LANCL3: variants seen among roughly 807,000 people sequenced by gnomAD.
LANCL3 encodes LanC like family member 3.
LANCL3 carries 19 observed loss-of-function variants against 26.5 expected under a neutral mutation model. That is an observed-to-expected ratio of 0.72 (90% CI 0.50 to 1.05). The LOEUF (loss-of-function observed/expected upper bound fraction) is 1.05. LANCL3 is among the 50% of genes least tolerant of loss of function. The probability of loss-of-function intolerance (pLI) is 0.00; values close to 1 mark genes in which losing one functional copy is unlikely to be tolerated. For synonymous variants in LANCL3, 160 were observed against 166.6 expected (o/e 0.96, Z 0.30); for missense variants, 318 against 362.7 (o/e 0.88, Z 1.00).
At chrX:37,658,079 A>T (rs1185139028) in intron 2 of LANCL3, among the ~76,000 whole-genome samples, 1 of 111,905 alleles carries the variant, frequency 8.9e-6, no homozygotes, top group East Asian at 2.8e-4. Context: ...AGGCAGGTTC[A>T]GGCCTTTGCT....
intron 1 of LANCL3, among the ~76,000 whole-genome samples, chrX:37,630,281 G>C (rs1451017745): frequency 9.0e-6 from 1 of 111,529 alleles, no homozygotes; most frequent in East Asian, 2.8e-4. Flanking sequence ...GAATGCTTGT[G>C]GTATTTGTAC....
intron 1 of LANCL3, among the ~76,000 whole-genome samples, chrX:37,654,681 A>C (rs1000291601): frequency 3.6e-5 from 4 of 111,622 alleles, no homozygotes; most frequent in African/African-American, 1.3e-4. Context: ...GAGGGCTCTG[A>C]ATTTCATACC....
chrX:37,599,282 T>C (rs782602368), intron 1 of LANCL3, among the ~76,000 whole-genome samples: 3 of 112,397 alleles, frequency 2.7e-5, no homozygotes, highest in Non-Finnish European at 5.6e-5. Flanking sequence ...GACATTTAAA[T>C]AAAAACAAGA....
intron 4 of LANCL3, 113 bp downstream of exon 4, chrX:37,667,602 G>C: frequency 1.8e-6 from 1 of 545,205 alleles, no homozygotes; most frequent in Non-Finnish European, 2.7e-6. Context: ...TACATCAACT[G>C]TGCCTTGTAG....
At chrX:37,583,170 A>G (rs1260462520) in intron 1 of LANCL3, among the ~76,000 whole-genome samples, 2 of 111,294 alleles carry the variant, frequency 1.8e-5, no homozygotes, top group African/African-American at 3.3e-5. Flanking sequence ...TGTTCCATTG[A>G]TCGATATCTC....
At chrX:37,644,250 C>A (rs141627174) in intron 1 of LANCL3, among the ~76,000 whole-genome samples, 10 of 111,532 alleles carry the variant, frequency 9.0e-5, no homozygotes, top group African/African-American at 3.3e-4. Context: ...AAATGCAAGA[C>A]CTCAGGCCCC....
chrX:37,624,586 C>T (rs181165289), intron 1 of LANCL3, among the ~76,000 whole-genome samples: 6 of 111,799 alleles, frequency 5.4e-5, no homozygotes, highest in African/African-American at 1.6e-4. Context: ...GTAAAAATAA[C>T]ACAATTTAAA....
chrX:37,642,233 C>T (rs3117508), intron 1 of LANCL3, among the ~76,000 whole-genome samples: 26,035 of 111,210 alleles, frequency 0.23, 2,592 homozygotes, highest in African/African-American at 0.4. Flanking sequence ...CAGAGGTGCA[C>T]GTGGGCAAAA....
At chrX:37,617,611 G>T (rs1556421833) in intron 1 of LANCL3, among the ~76,000 whole-genome samples, 1 of 111,446 alleles carries the variant, frequency 9.0e-6, no homozygotes, top group African/African-American at 3.3e-5. Flanking sequence ...AGTATACCAG[G>T]GTCTGTTCAA....
At chrX:37,629,413 A>T (rs1556423705) in intron 1 of LANCL3, among the ~76,000 whole-genome samples, 3 of 109,487 alleles carry the variant, frequency 2.7e-5, no homozygotes, top group African/African-American at 1.0e-4. Context: ...GTTCACTCTG[A>T]TGGTAGTTTC....
rs1923582487 is a variant in LANCL3, at chrX:37,571,848, C to T, written c.-23C>T. On this transcript the variant is annotated 5_prime_UTR_variant, in exon 1 of 5. Transcript: ENST00000378619. ...CGACTTCAAGCGGTCCTCAGCTCCGCACTAGGGGGCACGGGCAACAGCATG... is the reference window on the plus strand; with the variant it reads ...CGACTTCAAGCGGTCCTCAGCTCCGTACTAGGGGGCACGGGCAACAGCATG... 1.7e-6 allele frequency: 2 copies of T among 1,177,893 alleles called. No homozygotes were observed. The highest frequency in any genetic ancestry group is 2.3e-6 in the Non-Finnish European group (2 of 874,750).
At chrX:37,592,614 TA>T (rs1170518196) in intron 1 of LANCL3, among the ~76,000 whole-genome samples, 26 of 110,133 alleles carry the variant, frequency 2.4e-4, no homozygotes, top group Admixed American at 2.9e-4. Context: ...CTCTTAGAAA[TA>T]AAAAAAAGAT....
chrX:37,642,104 G>A (rs887836851), intron 1 of LANCL3, among the ~76,000 whole-genome samples: 39 of 112,067 alleles, frequency 3.5e-4, no homozygotes, highest in African/African-American at 1.2e-3. Flanking sequence ...AGCACTTAAC[G>A]AGAAAAATCA....
At chrX:37,603,573 C>T (rs782596539) in intron 1 of LANCL3, among the ~76,000 whole-genome samples, 1 of 112,083 alleles carries the variant, frequency 8.9e-6, no homozygotes, top group African/African-American at 3.2e-5. Flanking sequence ...GAATGAAGAA[C>T]CCCACTGTGG....
intron 1 of LANCL3, among the ~76,000 whole-genome samples, chrX:37,580,314 G>A (rs782045325): frequency 2.7e-5 from 3 of 111,934 alleles, no homozygotes; most frequent in South Asian, 3.8e-4. Flanking sequence ...AAGGACTAAC[G>A]ATGACTGATC....
In LANCL3 at chrX:37,675,892, T is replaced by C. The variant is rs1351201467; in HGVS notation, c.*79T>C. 5.1e-5 allele frequency: 40 copies of C among 785,942 alleles called. No homozygotes were observed. The highest frequency in any genetic ancestry group is 6.1e-5 in the Non-Finnish European group (36 of 589,974). The allele number at this position is 785,942 out of a possible 1,213,427, so 64.8% of individuals were successfully genotyped here. A position where few individuals can be genotyped will look rare whatever the true frequency, so the allele number is the denominator to read the frequency against. On this transcript the variant is annotated 3_prime_UTR_variant, in exon 5 of 5. Transcript: ENST00000378619. The stretch of plus-strand genomic sequence containing the variant: ...CAGTTTCCACATAAGCCACATTCAA[T>C]GGTATCGCAACCATGAGCCTTAACA...
intron 1 of LANCL3, among the ~76,000 whole-genome samples, chrX:37,611,704 C>T (rs908913559): frequency 9.0e-6 from 1 of 111,682 alleles, no homozygotes; most frequent in Non-Finnish European, 1.9e-5. Context: ...AGCTTCAGAG[C>T]ATAGGCGTTG....
intron 1 of LANCL3, among the ~76,000 whole-genome samples, chrX:37,633,984 G>T (rs1185673950): frequency 8.9e-6 from 1 of 112,453 alleles, no homozygotes; most frequent in African/African-American, 3.2e-5. Context: ...GGACATTTAA[G>T]TCGGCAGAGG....
intron 1 of LANCL3, among the ~76,000 whole-genome samples, chrX:37,572,705 C>G (rs1412194329): frequency 1.8e-5 from 2 of 112,320 alleles, no homozygotes. Flanking sequence ...ACTCCAGATG[C>G]CTGTTAGCTT....
Sources: allele counts gnomAD v4.1 joint callset (sites outside exome capture counted in the v4.1 genomes callset), GRCh38; gene constraint gnomAD v4.1.1; transcripts MANE v1.5; gene names NCBI Gene and HGNC (gene_info 2026-07-23, HGNC 2026-07-21).